The following PPP2R2B variants were observed in gnomAD, a reference collection of about 807,000 sequenced individuals.
PPP2R2B encodes the protein protein phosphatase 2 regulatory subunit Bbeta, also known as serine/threonine-protein phosphatase 2A 55 kDa regulatory subunit B beta isoform.
Under a neutral mutation model 46.0 loss-of-function variants are expected in PPP2R2B, and 5 were observed. That is an observed-to-expected ratio of 0.11 (90% CI 0.06 to 0.23). PPP2R2B has a LOEUF of 0.23. PPP2R2B is among the 10% of genes least tolerant of loss of function. The pLI is 1.00. For synonymous variants in PPP2R2B, 215 were observed against 206.7 expected (o/e 1.04, Z -0.34); for missense variants, 367 against 575.0 (o/e 0.64, Z 3.70).
At chr5:146,998,317 C>G (rs538777547) in intron 1 of PPP2R2B, among the ~76,000 whole-genome samples, 1 of 152,322 alleles carries the variant, frequency 6.6e-6, no homozygotes, top group African/African-American at 2.4e-5. Flanking sequence ...GTGCTTCAAT[C>G]GTCTTTGCAG....
chr5:146,690,235 G>C (rs1778761398), intron 5 of PPP2R2B, among the ~76,000 whole-genome samples: 1 of 152,116 alleles, frequency 6.6e-6, no homozygotes, highest in African/African-American at 2.4e-5. Context: ...TGCTCACATT[G>C]AACATGTTCA....
intron 1 of PPP2R2B, among the ~76,000 whole-genome samples, chr5:147,042,366 A>G (rs997032699): frequency 5.9e-5 from 9 of 152,100 alleles, no homozygotes; most frequent in Admixed American, 2.0e-4. Flanking sequence ...CGTTTTCTAT[A>G]ACTCGCTCAG....
At chr5:146,979,923 A>G (rs1242037064) in intron 1 of PPP2R2B, among the ~76,000 whole-genome samples, 1 of 152,216 alleles carries the variant, frequency 6.6e-6, no homozygotes, top group Admixed American at 6.5e-5. Flanking sequence ...GAGCAAAACC[A>G]TGGCAGATAA....
At chr5:146,988,915 A>G (rs912353265) in intron 1 of PPP2R2B, among the ~76,000 whole-genome samples, 1 of 151,980 alleles carries the variant, frequency 6.6e-6, no homozygotes, top group Non-Finnish European at 1.5e-5. Context: ...AATGAAAAAG[A>G]TGACATTATA....
intron 6 of PPP2R2B, among the ~76,000 whole-genome samples, chr5:146,647,380 A>G (rs539146141): frequency 6.6e-6 from 1 of 152,176 alleles, no homozygotes; most frequent in Admixed American, 6.5e-5. Flanking sequence ...TTTTTCTGAG[A>G]CTGTTTTGAA....
chr5:147,042,198 C>T (rs915092073), intron 1 of PPP2R2B, among the ~76,000 whole-genome samples: 4 of 152,114 alleles, frequency 2.6e-5, no homozygotes, highest in Non-Finnish European at 5.9e-5. Context: ...GCCTACTTTA[C>T]TTCTGTAAAA....
rs111541983 is a variant in PPP2R2B, at chr5:146,717,996, A to T, written c.71-16854T>A. On this transcript the variant is annotated intron_variant, in intron 2 of 9. Coordinates refer to ENST00000394411, the MANE Select transcript of PPP2R2B (RefSeq NM_181675.4). ...GTACTCTATCCTTTTTCTTTAATGC[A>T]TCTACCATAATTCATCATTATGTAT... is the stretch of plus-strand genomic sequence containing the variant. 2.9e-3 allele frequency among the ~76,000 whole-genome samples: 435 copies of T among 152,250 alleles called. 2 individuals carry two copies. Among genetic ancestry groups the T allele is most frequent in the African/African-American group, 9.8e-3 (409 of 41,544 alleles).
intron 9 of PPP2R2B, among the ~76,000 whole-genome samples, chr5:146,590,594 A>G (rs527846684): frequency 6.6e-6 from 1 of 152,194 alleles, no homozygotes; most frequent in East Asian, 1.9e-4. Context: ...TGAGACTAGA[A>G]TGAGGTTTGT....
At chr5:146,667,647 T>C (rs1233218288) in intron 5 of PPP2R2B, among the ~76,000 whole-genome samples, 1 of 151,942 alleles carries the variant, frequency 6.6e-6, no homozygotes, top group Non-Finnish European at 1.5e-5. Context: ...ATGGAGCATA[T>C]GAAATAGAAC....
At chr5:146,829,047 G>A (rs1174796239) in intron 2 of PPP2R2B, among the ~76,000 whole-genome samples, 1 of 152,014 alleles carries the variant, frequency 6.6e-6, no homozygotes, top group Non-Finnish European at 1.5e-5. Context: ...TTTATGGAAA[G>A]AAAAAATTTT....
chr5:146,800,976 A>G (rs1390200927), intron 2 of PPP2R2B, among the ~76,000 whole-genome samples: 2 of 152,204 alleles, frequency 1.3e-5, no homozygotes, highest in African/African-American at 4.8e-5. Context: ...ATGTGTGTAT[A>G]CACTGGGATA....
chr5:146,643,388 G>C (rs1021411075), intron 6 of PPP2R2B, among the ~76,000 whole-genome samples: 1 of 152,116 alleles, frequency 6.6e-6, no homozygotes, highest in Non-Finnish European at 1.5e-5. Context: ...AATAAACAAG[G>C]TAAATGAGTA....
chr5:146,992,839 G>T (rs554748761), intron 1 of PPP2R2B, among the ~76,000 whole-genome samples: 30 of 152,330 alleles, frequency 2.0e-4, no homozygotes, highest in African/African-American at 7.0e-4. Context: ...CTGGCATGGG[G>T]GCTATGGTAG....
At chr5:146,997,369 G>A (rs1753971348) in intron 1 of PPP2R2B, among the ~76,000 whole-genome samples, 1 of 152,278 alleles carries the variant, frequency 6.6e-6, no homozygotes, top group East Asian at 1.9e-4. Context: ...TATGAATGAG[G>A]GAATCCAACT....
At chr5:146,818,289 A>C (rs1758051649) in intron 2 of PPP2R2B, among the ~76,000 whole-genome samples, 1 of 152,102 alleles carries the variant, frequency 6.6e-6, no homozygotes. Context: ...CAGCCAAACG[A>C]TATTTGTTGA....
At chr5:146,950,372 T>C (rs1764614425) in intron 1 of PPP2R2B, among the ~76,000 whole-genome samples, 1 of 152,092 alleles carries the variant, frequency 6.6e-6, no homozygotes, top group African/African-American at 2.4e-5. Flanking sequence ...GCTTTGCTGA[T>C]ATCACTGCCA....
chr5:146,893,479 A>G (rs566022254), intron 1 of PPP2R2B, among the ~76,000 whole-genome samples: 2 of 152,264 alleles, frequency 1.3e-5, no homozygotes, highest in East Asian at 3.9e-4. Flanking sequence ...CCCTACATCC[A>G]GTCAGGTGTC....
At chr5:146,859,874 G>A (rs1760883064) in intron 2 of PPP2R2B, among the ~76,000 whole-genome samples, 1 of 152,202 alleles carries the variant, frequency 6.6e-6, no homozygotes, top group Non-Finnish European at 1.5e-5. Flanking sequence ...GAACATCAGG[G>A]AAAGGAGGTA....
At chr5:146,590,996 G>A (rs1770589032) in intron 9 of PPP2R2B, among the ~76,000 whole-genome samples, 1 of 151,736 alleles carries the variant, frequency 6.6e-6, no homozygotes, top group Non-Finnish European at 1.5e-5. Context: ...AATCGATCAG[G>A]AGAGTGGCAA....
Sources: allele counts gnomAD v4.1 joint callset (sites outside exome capture counted in the v4.1 genomes callset), GRCh38; gene constraint gnomAD v4.1.1; transcripts MANE v1.5; gene names NCBI Gene and HGNC (gene_info 2026-07-23, HGNC 2026-07-21).